The following PLEKHG2 variants were observed in gnomAD, a reference collection of about 807,000 sequenced individuals.
PLEKHG2 encodes pleckstrin homology and RhoGEF domain containing G2.
In PLEKHG2, 71 loss-of-function variants were observed where a neutral mutation model predicts 104.4. The ratio of observed to expected loss-of-function variants is 0.68; its 90% CI spans 0.56 to 0.83. PLEKHG2 has a LOEUF of 0.83. PLEKHG2 is among the 40% of genes least tolerant of loss of function. The pLI is 0.00. For missense variants in PLEKHG2, 1,730 were observed against 1,809.4 expected, an observed-to-expected ratio of 0.96 and a Z score of 0.80; for synonymous variants, 728 against 737.0, an observed-to-expected ratio of 0.99 and a Z score of 0.20.
intron 9 of PLEKHG2, among the ~76,000 whole-genome samples, chr19:39,418,353 C>T (rs545396909): frequency 1.1e-4 from 17 of 151,984 alleles, no homozygotes; most frequent in Non-Finnish European, 1.9e-4. Context: ...TCAAGGCGGG[C>T]GGATCACTTG....
chr19:39,417,729 GA>G, intron 8 of PLEKHG2, 37 bp downstream of exon 8: 1 of 1,461,814 alleles, frequency 6.8e-7, no homozygotes, highest in Non-Finnish European at 9.4e-7. Flanking sequence ...CTGGATGAGG[GA>G]GTGAGCGAGG....
At position 39,425,883 on chromosome 19, in the gene PLEKHG2, A is replaced by G. The variant is rs568682921; in HGVS notation, c.*589A>G. ...TACCCATCTTCCAATCCATCATCTC[A>G]CGTATCTGCCTTGCTTATCCAACTG... On this transcript the variant is annotated 3_prime_UTR_variant, in exon 19 of 19. Transcript: ENST00000425673. 1 of 153,888 alleles carries G rather than the reference A, an allele frequency of 6.5e-6. No homozygotes were observed. The highest frequency in any genetic ancestry group is 6.5e-5 in the Admixed American group (1 of 15,306). 9.5% of individuals were successfully genotyped at this position (153,888 alleles called of 1,614,324 possible).
At chr19:39,420,893 C>T (rs772369391) in intron 13 of PLEKHG2, 41 bp downstream of exon 13, 2 of 1,613,898 alleles carry the variant, frequency 1.2e-6, no homozygotes, top group African/African-American at 2.7e-5. Flanking sequence ...CTCAGCCCCA[C>T]TTCCCTAGGA....
chr19:39,420,981 G>A lies in PLEKHG2; in HGVS notation c.1432G>A (p.Gly478Ser). Residue 478 changes from glycine (G) to serine (S), a missense_variant, in exon 14 of 19, where the codon GGC (glycine) becomes AGC (serine). Physicochemically the swap from Gly to Ser is moderately conservative, Grantham distance 56. Transcript: ENST00000425673. ...TCCTGGGCCCTCTGTGATTCGCCGAGGCCGCAGGCAGTCTGGTGAGCACTC... is the reference window on the plus strand; with the variant it reads ...TCCTGGGCCCTCTGTGATTCGCCGAAGCCGCAGGCAGTCTGGTGAGCACTC... ...PSPGPSVIRR[G>S]RRQSEPVKDP... is the part of the protein sequence containing the mutation. The A allele has an allele frequency of 1.9e-6, 3 of 1,614,064 alleles. No individual in the cohort carries two copies. The highest frequency in any genetic ancestry group is 2.5e-6 in the Non-Finnish European group (3 of 1,180,022).
rs1174652441 is a variant in PLEKHG2 at position 39,425,018 on chromosome 19, G to T, written c.3885G>T (p.Gly1295=). 4 of 1,605,288 alleles carry T rather than the reference G, an allele frequency of 2.5e-6. No individual in the cohort carries two copies. Among genetic ancestry groups the T allele is most frequent in the Non-Finnish European group, 2.6e-6 (3 of 1,175,354 alleles). The change falls in exon 19 of 19, where the codon GGG becomes GGT. Residue 1295 remains glycine, a synonymous_variant. Coordinates refer to ENST00000425673, the MANE Select transcript of PLEKHG2 (RefSeq NM_022835.3). ...YISQSLARRQ[G]PGGGAPAASR... is the part of the protein sequence containing the mutation. ...GCCAGAGCCTGGCTCGGCGGCAGGGGCCTGGGGGAGGGGCCCCCGCAGCCT... is the reference window on the plus strand; with the variant it reads ...GCCAGAGCCTGGCTCGGCGGCAGGGTCCTGGGGGAGGGGCCCCCGCAGCCT...
At chr19:39,414,924 C>T (rs763494562) in intron 2 of PLEKHG2, 68 bp from the exon 3 acceptor site, 7 of 1,477,432 alleles carry the variant, frequency 4.7e-6, no homozygotes, top group African/African-American at 1.4e-5. Flanking sequence ...GTGGGCTGAA[C>T]GCATGAAAGG....
rs1283520627 is a variant in PLEKHG2, at chr19:39,424,820, C to G, written c.3687C>G (p.Thr1229=). ...TAGACATTCAGGGCCTCTCACCCAC[C>G]CCAGTTCAGACCACCATGGTTTTGT... ...GSLDIQGLSP[T]PVQTTMVLSK... is the part of the protein sequence containing the mutation. The change falls in exon 19 of 19, where the codon ACC becomes ACG. Residue 1229 remains threonine, a synonymous_variant. Coordinates refer to ENST00000425673, the MANE Select transcript of PLEKHG2 (RefSeq NM_022835.3). 2 of 1,614,192 alleles carry G rather than the reference C, an allele frequency of 1.2e-6. No homozygotes were observed. Among genetic ancestry groups the G allele is most frequent in the Non-Finnish European group, 1.7e-6 (2 of 1,180,034 alleles).
At chr19:39,414,943 G>A in intron 2 of PLEKHG2, 49 bp from the exon 3 acceptor site, 1 of 1,518,006 alleles carries the variant, frequency 6.6e-7, no homozygotes, top group Non-Finnish European at 8.9e-7. Context: ...GGCTGTGGAA[G>A]TCCGTGCATG....
rs1471128249 is a variant in PLEKHG2, at chr19:39,422,438, C to T, written c.1677+150C>T. ...TGTTGCCGAGGCTGGAGTGCAGTGG[C>T]GCCATCTCGGCTCACTGCAAGCTCT... On this transcript the variant is annotated intron_variant, in intron 17 of 18. Coordinates refer to ENST00000425673, the MANE Select transcript of PLEKHG2 (RefSeq NM_022835.3). The T allele has an allele frequency of 2.3e-5, 22 of 951,694 alleles. No homozygotes were observed. The East Asian group carries it at 4.7e-4, about 20-fold the overall frequency. 59.0% of individuals were successfully genotyped at this position (951,694 alleles called of 1,614,324 possible).
chr19:39,414,416 G>A (rs2145976467), intron 2 of PLEKHG2, among the ~76,000 whole-genome samples: 1 of 152,340 alleles, frequency 6.6e-6, no homozygotes, highest in Middle Eastern at 3.4e-3. Flanking sequence ...GAAGGTCAGG[G>A]GAAGGTTCCT....
intron 11 of PLEKHG2, among the ~76,000 whole-genome samples, chr19:39,419,239 GC>G (rs1356376447): frequency 6.6e-6 from 1 of 152,174 alleles, no homozygotes; most frequent in Non-Finnish European, 1.5e-5. Flanking sequence ...GAATGAAAGC[GC>G]CTTCATCCTA....
rs750648520 is a variant in PLEKHG2 at position 39,420,825 on chromosome 19, A to C, written c.1372A>C (p.Ser458Arg). 6.2e-7 allele frequency: 1 copy of C among 1,614,142 alleles called. No individual in the cohort carries two copies. Among genetic ancestry groups the C allele is most frequent in the South Asian group, 1.1e-5 (1 of 91,078 alleles). Residue 458 changes from serine to arginine, a missense_variant, in exon 13 of 19, where the codon AGT becomes CGT. Transcript: ENST00000425673. ...LGSPRPRDAR[S>R]FTPGRRNTAP... ...GTCTCCTCGACCTCGAGATGCTAGA[A>C]GTTTTACCCCTGGGCGAAGGAACAC...
rs998492639 is a variant in PLEKHG2, at chr19:39,415,867, G to A, written c.479+428G>A. Among the ~76,000 whole-genome samples the A allele has an allele frequency of 3.3e-5, 5 of 152,164 alleles. No homozygotes were observed. Among genetic ancestry groups the A allele is most frequent in the East Asian group, 3.9e-4 (2 of 5,180 alleles). ...GAAGGCCGAGACAGCGTGAGCATGC[G>A]AGTGACCCCCTAAGCCTGATTTGCC... On this transcript the variant is annotated intron_variant, in intron 4 of 18. Transcript: ENST00000425673. The surrounding 1 kb of genome is among the most constrained non-coding windows in gnomAD (Gnocchi z 4.6).
chr19:39,424,205 G>A lies in PLEKHG2; in HGVS notation c.3072G>A (p.Lys1024=). 6.2e-7 allele frequency: 1 copy of A among 1,614,042 alleles called. No individual in the cohort carries two copies. The highest frequency in any genetic ancestry group is 8.5e-7 in the Non-Finnish European group (1 of 1,179,996). The change falls in exon 19 of 19, where the codon AAG becomes AAA. Residue 1024 remains lysine, a synonymous_variant. Coordinates refer to ENST00000425673, the MANE Select transcript of PLEKHG2 (RefSeq NM_022835.3). ...IHVPTTPALP[K]EICSDFTVSV... ...TTCCCACCACTCCAGCTTTGCCCAA[G>A]GAGATTTGTTCTGATTTCACAGTTT...
Position 39,420,649 on chromosome 19 carries a change from C to T in PLEKHG2, c.1287C>T (p.Asn429=). ...PAKAKQVLLE[N]SLHCAPKSKP... Reference sequence around the variant, plus strand: ...AGGCAAAGCAAGTTCTCCTTGAAAACAGCCTGCATTGTGAGTTGGGGCCTT... The same window carrying T: ...AGGCAAAGCAAGTTCTCCTTGAAAATAGCCTGCATTGTGAGTTGGGGCCTT... Residue 429 remains asparagine, a synonymous_variant, in exon 12 of 19, where the codon AAC becomes AAT. Coordinates refer to ENST00000425673, the MANE Select transcript of PLEKHG2 (RefSeq NM_022835.3). 1 of 1,614,170 alleles carries T rather than the reference C, an allele frequency of 6.2e-7. No individual in the cohort carries two copies. The highest frequency in any genetic ancestry group is 1.7e-5 in the Admixed American group (1 of 60,018).
rs149365824 is a variant in PLEKHG2 at position 39,415,857 on chromosome 19, G to C, written c.479+418G>C. Among the ~76,000 whole-genome samples the C allele has an allele frequency of 6.6e-6, 1 of 152,184 alleles. No homozygotes were observed. The highest frequency in any genetic ancestry group is 1.5e-5 in the Non-Finnish European group (1 of 68,034). On this transcript the variant is annotated intron_variant, in intron 4 of 18. Transcript: ENST00000425673. This position sits in a 1 kb window ranked among gnomAD's most constrained non-coding sequence, Gnocchi z 4.6. ...TATGGGGCCTGAAGGCCGAGACAGCGTGAGCATGCGAGTGACCCCCTAAGC... is the reference window on the plus strand; with the variant it reads ...TATGGGGCCTGAAGGCCGAGACAGCCTGAGCATGCGAGTGACCCCCTAAGC...
chr19:39,421,177 C>T (rs1018632633), intron 15 of PLEKHG2, 64 bp downstream of exon 15: 55 of 676,968 alleles, frequency 8.1e-5, no homozygotes, highest in Non-Finnish European at 1.3e-4. Context: ...ATGTCTGGGG[C>T]GGGTTGGGGA....
chr19:39,424,599 T>G lies in PLEKHG2; in HGVS notation c.3466T>G (p.Trp1156Gly), dbSNP rs2078754332. 1 of 1,614,128 alleles carries G rather than the reference T, an allele frequency of 6.2e-7. No individual in the cohort carries two copies. Among genetic ancestry groups the G allele is most frequent in the East Asian group, 2.2e-5 (1 of 44,870 alleles). The change falls in exon 19 of 19, where the codon TGG becomes GGG. Residue 1156 changes from tryptophan (W) to glycine (G), a missense_variant. By Grantham distance (184) the Trp-to-Gly change is radical. Transcript: ENST00000425673. ...LPLPQVLTDIWVQALPTSPKQ... is the reference protein window; with the variant it reads ...LPLPQVLTDIGVQALPTSPKQ... ...CCTGCCACAAGTCCTCACAGACATCTGGGTCCAAGCCCTCCCAACTTCACC... is the reference window on the plus strand; with the variant it reads ...CCTGCCACAAGTCCTCACAGACATCGGGGTCCAAGCCCTCCCAACTTCACC...
rs542572498 is a variant in PLEKHG2, at chr19:39,419,910, G to A, written c.1264-716G>A. On this transcript the variant is annotated intron_variant, in intron 11 of 18. Coordinates refer to ENST00000425673, the MANE Select transcript of PLEKHG2 (RefSeq NM_022835.3). ...AAAAAAAGAAAAAGAAAAATTAGCTGGGCATGGTGGCGCATGCCTGTAATC... is the reference window on the plus strand; with the variant it reads ...AAAAAAAGAAAAAGAAAAATTAGCTAGGCATGGTGGCGCATGCCTGTAATC... Among the ~76,000 whole-genome samples, 52 of 141,312 alleles carry A rather than the reference G, an allele frequency of 3.7e-4. 1 individual carries two copies. In the South Asian group the frequency reaches 0.011, roughly 30 times the overall value. 92.7% of individuals were successfully genotyped at this position (141,312 alleles called of 152,430 possible). A position where few individuals can be genotyped will look rare whatever the true frequency, so the allele number is the denominator to read the frequency against.
Sources: gnomAD v4.1 joint callset for allele counts (sites outside exome capture counted in the v4.1 genomes callset) on GRCh38, gnomAD v4.1.1 for gene constraint, Gnocchi (gnomAD v3.1) non-coding constraint, MANE v1.5 for transcripts, NCBI Gene and HGNC (gene_info 2026-07-23, HGNC 2026-07-21) for gene names.